PLXDC2: variants seen among roughly 807,000 people sequenced by gnomAD.
PLXDC2 encodes the protein plexin domain-containing protein 2.
In PLXDC2, 40 loss-of-function variants were observed where a neutral mutation model predicts 68.9. The observed-to-expected ratio is 0.58, with a 90% CI of 0.45 to 0.76. PLXDC2 has a LOEUF of 0.76. PLXDC2 is among the 30% of genes least tolerant of loss of function. PLXDC2 has a pLI of 0.00. For missense variants in PLXDC2, 644 were observed against 661.9 expected (o/e 0.97, Z 0.30); for synonymous variants, 243 against 234.2 (o/e 1.04, Z -0.34).
intron 13 of PLXDC2, among the ~76,000 whole-genome samples, chr10:20,277,283 T>C (rs971942238): frequency 6.6e-6 from 1 of 150,860 alleles, no homozygotes; most frequent in Non-Finnish European, 1.5e-5. Flanking sequence ...ACATGCAGAC[T>C]GACATGGAAA....
rs1169168695 is a variant in PLXDC2 at position 20,257,915 on chromosome 10, C to T, written c.1473+12410C>T. ...ATAAATTGATGATTAAATACCCATG[C>T]TTTCTGCAAGTAGGTAGGAGTGGCA... On this transcript the variant is annotated intron_variant, in intron 13 of 13. Coordinates refer to ENST00000377252, the MANE Select transcript of PLXDC2 (RefSeq NM_032812.9). Among the ~76,000 whole-genome samples, 6 of 151,034 alleles carry T rather than the reference C, an allele frequency of 4.0e-5. No homozygotes were observed. In the East Asian group the frequency reaches 1.2e-3, roughly 29 times the overall value.
intron 2 of PLXDC2, among the ~76,000 whole-genome samples, chr10:20,014,614 G>T (rs756604748): frequency 6.6e-6 from 1 of 151,988 alleles, no homozygotes; most frequent in Non-Finnish European, 1.5e-5. Context: ...TACTTTTGCC[G>T]TGAGAGTCAA....
intron 1 of PLXDC2, among the ~76,000 whole-genome samples, chr10:19,882,254 C>G (rs531724733): frequency 6.6e-6 from 1 of 152,256 alleles, no homozygotes; most frequent in Non-Finnish European, 1.5e-5. Context: ...TTTATTTCTG[C>G]CACTACTCCA....
At chr10:19,951,927 T>C (rs1833998531) in intron 1 of PLXDC2, among the ~76,000 whole-genome samples, 2 of 152,222 alleles carry the variant, frequency 1.3e-5, no homozygotes, top group Non-Finnish European at 2.9e-5. Context: ...TTTTCACTTA[T>C]AAGTGGAAGC....
chr10:20,184,605 A>T (rs1834654941), intron 9 of PLXDC2, among the ~76,000 whole-genome samples: 2 of 151,896 alleles, frequency 1.3e-5, no homozygotes, highest in Non-Finnish European at 2.9e-5. Context: ...CATTCATATC[A>T]TATGCTCATT....
intron 13 of PLXDC2, among the ~76,000 whole-genome samples, chr10:20,266,628 T>A (rs1588552404): frequency 6.6e-6 from 1 of 152,172 alleles, no homozygotes; most frequent in Non-Finnish European, 1.5e-5. Context: ...AACCGGAGAT[T>A]AGGAGATTTA....
intron 4 of PLXDC2, among the ~76,000 whole-genome samples, chr10:20,114,476 C>G (rs1833597645): frequency 6.6e-6 from 1 of 152,112 alleles, no homozygotes; most frequent in African/African-American, 2.4e-5. Flanking sequence ...CCTCTGGGGT[C>G]TGTAAGAGGT....
chr10:20,187,474 G>T (rs182733852), intron 9 of PLXDC2, among the ~76,000 whole-genome samples: 1 of 151,732 alleles, frequency 6.6e-6, no homozygotes, highest in East Asian at 1.9e-4. Context: ...CATTTAGTAT[G>T]TCTTGGTGTT....
chr10:20,215,786 T>G (rs1835128095), intron 10 of PLXDC2, among the ~76,000 whole-genome samples: 1 of 152,058 alleles, frequency 6.6e-6, no homozygotes. Flanking sequence ...ACTAAGAAAT[T>G]TAAAGAAATC....
intron 2 of PLXDC2, among the ~76,000 whole-genome samples, chr10:20,012,024 A>G (rs966739332): frequency 6.6e-6 from 1 of 152,194 alleles, no homozygotes; most frequent in African/African-American, 2.4e-5. Flanking sequence ...AGAATTTTCT[A>G]TGAACCTTCC....
At chr10:19,962,036 G>T (rs1053083666) in intron 1 of PLXDC2, among the ~76,000 whole-genome samples, 3 of 152,010 alleles carry the variant, frequency 2.0e-5, no homozygotes, top group Non-Finnish European at 4.4e-5. Flanking sequence ...GCGGAAATGA[G>T]GTGTTTTTAG....
chr10:20,064,990 C>A (rs1317858845), intron 3 of PLXDC2, among the ~76,000 whole-genome samples: 4 of 152,026 alleles, frequency 2.6e-5, no homozygotes, highest in African/African-American at 9.7e-5. Flanking sequence ...AACACTGTAC[C>A]TGCTATTGTT....
At chr10:19,818,726 G>T (rs775919231) in intron 1 of PLXDC2, among the ~76,000 whole-genome samples, 1 of 151,752 alleles carries the variant, frequency 6.6e-6, no homozygotes, top group African/African-American at 2.4e-5. Flanking sequence ...ACGTTTCATT[G>T]GTCCGAAAAA....
At chr10:20,086,406 G>T in intron 4 of PLXDC2, among the ~76,000 whole-genome samples, 1 of 149,728 alleles carries the variant, frequency 6.7e-6, no homozygotes, top group East Asian at 2.0e-4. Context: ...TGTCCAGGTT[G>T]GTCTCAAACT....
intron 1 of PLXDC2, among the ~76,000 whole-genome samples, chr10:19,842,425 C>T (rs1836926781): frequency 6.6e-6 from 1 of 152,138 alleles, no homozygotes; most frequent in Admixed American, 6.6e-5. Flanking sequence ...TAGGGTTCAG[C>T]TAAATGTATA....
intron 2 of PLXDC2, among the ~76,000 whole-genome samples, chr10:20,045,507 T>A (rs1481158053): frequency 6.6e-6 from 1 of 152,204 alleles, no homozygotes; most frequent in African/African-American, 2.4e-5. Flanking sequence ...TAACATTTAA[T>A]CACTATTCTC....
rs1484131963 is a variant in PLXDC2, at chr10:20,284,330, T to TATATATATATATATATACAC, written c.*4512_*4513insTATATATATATATATACACA. Reference sequence around the variant, plus strand: ...AAATATACATATATATATATATATATACACACACACACACACACACACAAA... The same window carrying TATATATATATATATATACAC: ...AAATATACATATATATATATATATATATATATATATATATATACACACACACACACACACACACACACAAA... On this transcript the variant is annotated 3_prime_UTR_variant, in exon 14 of 14. Coordinates refer to ENST00000377252, the MANE Select transcript of PLXDC2 (RefSeq NM_032812.9). 2.1e-3 allele frequency: 263 copies of TATATATATATATATATACAC among 126,298 alleles called. 3 individuals are homozygous for TATATATATATATATATACAC. Among genetic ancestry groups the TATATATATATATATATACAC allele is most frequent in the African/African-American group, 6.8e-3 (234 of 34,332 alleles). The allele number at this position is 126,298 out of a possible 1,614,324, so 7.8% of individuals were successfully genotyped here.
chr10:20,018,476 C>T (rs1344341298), intron 2 of PLXDC2, among the ~76,000 whole-genome samples: 1 of 152,192 alleles, frequency 6.6e-6, no homozygotes, highest in Non-Finnish European at 1.5e-5. Context: ...TTAGAGCTCT[C>T]ATCTCCACTA....
intron 7 of PLXDC2, among the ~76,000 whole-genome samples, chr10:20,166,524 T>C (rs11597621): frequency 0.12 from 17,609 of 152,172 alleles, 1,314 homozygotes; most frequent in Non-Finnish European, 0.17. Context: ...GGATGGCCGT[T>C]CTCACATTCT....
Sources: allele counts gnomAD v4.1 joint callset (sites outside exome capture counted in the v4.1 genomes callset), GRCh38; gene constraint gnomAD v4.1.1; transcripts MANE v1.5; gene names NCBI Gene and HGNC (gene_info 2026-07-23, HGNC 2026-07-21).